Variants in ACIN1 observed in about 807,000 individuals in gnomAD.
ACIN1 encodes the protein apoptotic chromatin condensation inducer 1.
A neutral mutation model predicts 146.6 loss-of-function variants in ACIN1; 16 were observed. The ratio of observed to expected loss-of-function variants is 0.11; its 90% CI spans 0.07 to 0.17. The LOEUF is 0.17. ACIN1 is among the 10% of genes least tolerant of loss of function. The pLI is 1.00. For missense variants in ACIN1, 1,357 were observed against 1,609.3 expected (o/e 0.84, Z 2.68); for synonymous variants, 569 against 582.7 (o/e 0.98, Z 0.34).
At chr14:23,094,282 T>C (rs1201797691) in intron 1 of ACIN1, among the ~76,000 whole-genome samples, 1 of 152,080 alleles carries the variant, frequency 6.6e-6, no homozygotes, top group Non-Finnish European at 1.5e-5. Flanking sequence ...AAACCAAACC[T>C]ATACACTTGA....
chr14:23,094,356 A>G (rs914420095), intron 1 of ACIN1: 2 of 462,804 alleles, frequency 4.3e-6, no homozygotes, highest in African/African-American at 4.3e-5. Flanking sequence ...CAAAATCCCC[A>G]ATATATATCA....
chr14:23,079,510 C>T (rs374717188), intron 6 of ACIN1, 37 bp downstream of exon 6: 2 of 1,601,084 alleles, frequency 1.2e-6, no homozygotes, highest in African/African-American at 2.7e-5. Flanking sequence ...TGGAATATGA[C>T]AGAACATTAA....
Position 23,067,507 on chromosome 14 carries a change from G to A in ACIN1, c.2266-1499C>T. The A allele has an allele frequency of 5.6e-6, 4 of 709,552 alleles. No homozygotes were observed. Among genetic ancestry groups the A allele is most frequent in the Non-Finnish European group, 6.9e-6 (4 of 583,322 alleles). The allele number at this position is 709,552 out of a possible 1,614,324, so 44.0% of individuals were successfully genotyped here. On this transcript the variant is annotated intron_variant, in intron 9 of 18. Transcript: ENST00000605057. This position sits in a 1 kb window ranked among gnomAD's most constrained non-coding sequence, Gnocchi z 4.6. The stretch of plus-strand genomic sequence containing the variant: ...CCTCCCAGGGGCGCAGGGGGGGCGG[G>A]AGGGAAACGTGTGGGGGGACGCTGC...
At chr14:23,093,267 C>T (rs1219454166) in intron 2 of ACIN1, among the ~76,000 whole-genome samples, 1 of 152,234 alleles carries the variant, frequency 6.6e-6, no homozygotes, top group East Asian at 1.9e-4. Context: ...TTATTATAAA[C>T]TAACAGTGCC....
intron 1 of ACIN1, 58 bp downstream of exon 1, chr14:23,094,917 A>G: frequency 6.6e-7 from 1 of 1,508,718 alleles, no homozygotes; most frequent in Middle Eastern, 2.4e-4. Flanking sequence ...GCCGCGGCAG[A>G]GGCTCGTCTC....
Position 23,079,625 on chromosome 14 carries a change from C to T in ACIN1, c.1710G>A (p.Lys570=). Residue 570 remains lysine, a synonymous_variant, in exon 6 of 19, where the codon AAG becomes AAA. Coordinates refer to ENST00000605057, the MANE Select transcript of ACIN1 (RefSeq NM_001386863.1). The part of the protein sequence containing the change: ...RTHANPRGRP[K]MGSRSTSESR... ...ACTCTGATGTTGATCTGGAGCCCAT[C>T]TTGGGTCTACCACGAGGGTTGGCAT... 6.2e-7 allele frequency: 1 copy of T among 1,614,150 alleles called. No homozygotes were observed. The highest frequency in any genetic ancestry group is 1.1e-5 in the South Asian group (1 of 91,082).
intron 8 of ACIN1, among the ~76,000 whole-genome samples, chr14:23,073,330 G>A (rs1349210969): frequency 6.6e-6 from 1 of 152,178 alleles, no homozygotes; most frequent in Non-Finnish European, 1.5e-5. Context: ...TGTCATTGTG[G>A]GTACCAAGTG....
chr14:23,075,125 A>G (rs2047764955), intron 8 of ACIN1, among the ~76,000 whole-genome samples: 1 of 152,186 alleles, frequency 6.6e-6, no homozygotes, highest in Non-Finnish European at 1.5e-5. Context: ...ACACCATCAT[A>G]TTGGCTTAAG....
chr14:23,075,993 G>A (rs1427971275), intron 8 of ACIN1, among the ~76,000 whole-genome samples: 5 of 152,102 alleles, frequency 3.3e-5, no homozygotes, highest in Admixed American at 6.5e-5. Flanking sequence ...GAGTCACCAC[G>A]CCTGGCCATG....
In ACIN1 at chr14:23,067,519, T is replaced by A; in HGVS notation, c.2266-1511A>T. 1.0e-6 allele frequency: 1 copy of A among 970,154 alleles called. No individual in the cohort carries two copies. Among genetic ancestry groups the A allele is most frequent in the Non-Finnish European group, 1.2e-6 (1 of 822,428 alleles). 60.1% of individuals were successfully genotyped at this position (970,154 alleles called of 1,614,324 possible). On this transcript the variant is annotated intron_variant, in intron 9 of 18. Coordinates refer to ENST00000605057, the MANE Select transcript of ACIN1 (RefSeq NM_001386863.1). The surrounding 1 kb of genome is among the most constrained non-coding windows in gnomAD (Gnocchi z 4.6). ...GCAGGGGGGGCGGGAGGGAAACGTG[T>A]GGGGGGACGCTGCCCAGTTTCCATG...
Position 23,080,119 on chromosome 14 carries a change from GCTC to G in ACIN1, c.1213_1215del (p.Glu405del). 1.9e-6 allele frequency: 3 copies of G among 1,614,122 alleles called. No individual in the cohort carries two copies. The highest frequency in any genetic ancestry group is 2.5e-6 in the Non-Finnish European group (3 of 1,179,998). ...TGGACAGTATGCTGAGATACTAATA[GCTC>G]CCTGGTGTCAGCATCTGTATTAGGA... is the stretch of plus-strand genomic sequence containing the variant. On this transcript the variant is annotated inframe_deletion, in exon 6 of 19. Transcript: ENST00000605057.
At chr14:23,094,897 C>T (rs1443220917) in intron 1 of ACIN1, 78 bp downstream of exon 1, 2 of 1,499,760 alleles carry the variant, frequency 1.3e-6, no homozygotes, top group East Asian at 2.3e-5. Context: ...AGCCCGGATA[C>T]TGCGCCTGCG....
intron 1 of ACIN1, chr14:23,094,477 T>C (rs1341311052): frequency 1.0e-6 from 1 of 984,738 alleles, no homozygotes; most frequent in Admixed American, 6.2e-5. Flanking sequence ...CAAATAAAGG[T>C]CTCTCTTCAT....
intron 4 of ACIN1, among the ~76,000 whole-genome samples, chr14:23,083,322 G>A (rs893125510): frequency 6.6e-6 from 1 of 151,390 alleles, no homozygotes; most frequent in South Asian, 2.1e-4. Flanking sequence ...CTCCCACCCC[G>A]GTCCTCCCAA....
At chr14:23,092,486 G>A (rs914001778) in intron 2 of ACIN1, among the ~76,000 whole-genome samples, 4 of 152,162 alleles carry the variant, frequency 2.6e-5, no homozygotes, top group Non-Finnish European at 4.4e-5. Context: ...GTACTTAATT[G>A]AACCTCTGAA....
chr14:23,061,549 G>C lies in ACIN1; in HGVS notation c.3173C>G (p.Pro1058Arg). The change falls in exon 17 of 19, where the codon CCC (proline) becomes CGC (arginine). Residue 1058 changes from proline (P) to arginine (R), a missense_variant. By Grantham distance (103) the Pro-to-Arg change is moderately radical. Coordinates refer to ENST00000605057, the MANE Select transcript of ACIN1 (RefSeq NM_001386863.1). ...CGGGGGTGGGGGTGGGGGGTGCAGG[G>C]GCCGTGGTATTCCCTGCTCCTCTGT... is the stretch of plus-strand genomic sequence containing the variant. ...TKTEEQGIPR[P>R]LHPPPPPPVQ... The C allele has an allele frequency of 6.3e-7, 1 of 1,585,838 alleles. No homozygotes were observed.
chr14:23,088,262 T>C (rs1298180220), intron 4 of ACIN1, among the ~76,000 whole-genome samples: 1 of 152,176 alleles, frequency 6.6e-6, no homozygotes, highest in Non-Finnish European at 1.5e-5. Context: ...GCAAAGTGGA[T>C]CAGCTGAGGG....
chr14:23,073,550 C>T lies in ACIN1; in HGVS notation c.2124-3933G>A, dbSNP rs111611943. ...GTGCATGCCTGTAATCCCAGCTACT[C>T]GGGAGGCTGAGGCAGGAGAATCACT... On this transcript the variant is annotated intron_variant, in intron 8 of 18. Transcript: ENST00000605057. Among the ~76,000 whole-genome samples the T allele has an allele frequency of 4.8e-3, 727 of 152,048 alleles. 6 individuals carry two copies. Among genetic ancestry groups the T allele is most frequent in the African/African-American group, 0.017 (702 of 41,478 alleles).
Position 23,065,964 on chromosome 14 carries a change from A to G in ACIN1, c.2308+2T>C. 1 of 1,613,714 alleles carries G rather than the reference A, an allele frequency of 6.2e-7. No homozygotes were observed. Among genetic ancestry groups the G allele is most frequent in the Non-Finnish European group, 8.5e-7 (1 of 1,179,660 alleles). On this transcript the variant is annotated splice_donor_variant, in intron 10 of 18. Coordinates refer to ENST00000605057, the MANE Select transcript of ACIN1 (RefSeq NM_001386863.1). LOFTEE classifies it high-confidence loss of function. ...TTATCAGGGATTTGGGGCTGGACTTACAGACAACGGAGATCTTCCTCTTGA... is the reference window on the plus strand; with the variant it reads ...TTATCAGGGATTTGGGGCTGGACTTGCAGACAACGGAGATCTTCCTCTTGA...
Sources: gnomAD v4.1 joint callset for allele counts (sites outside exome capture counted in the v4.1 genomes callset) on GRCh38, gnomAD v4.1.1 for gene constraint, Gnocchi (gnomAD v3.1) non-coding constraint, MANE v1.5 for transcripts, NCBI Gene and HGNC (gene_info 2026-07-23, HGNC 2026-07-21) for gene names.